The following GBF1 variants were observed in gnomAD, a reference collection of about 807,000 sequenced individuals.
The protein encoded by GBF1 is golgi brefeldin A resistant guanine nucleotide exchange factor 1, also known as Golgi-specific brefeldin A-resistance guanine nucleotide exchange factor 1.
GBF1 carries 114 observed loss-of-function variants against 210.5 expected under a neutral mutation model. That is an observed-to-expected ratio of 0.54 (90% CI 0.47 to 0.63). GBF1 has a LOEUF of 0.63. Among genes scored for constraint, GBF1 ranks in the 30% least tolerant of loss-of-function variants. GBF1 has a pLI of 0.00. For missense variants in GBF1, 1,851 were observed against 2,357.7 expected (o/e 0.79, Z 4.45); for synonymous variants, 850 against 889.2 (o/e 0.96, Z 0.78).
chr10:102,260,473 C>CTTTT (rs879575033), intron 3 of GBF1, among the ~76,000 whole-genome samples: 3,348 of 73,694 alleles, frequency 0.045, 501 homozygotes, highest in East Asian at 0.068. Context: ...ATTTTCCTTT[C>CTTTT]TTCTTTTTTT....
intron 3 of GBF1, among the ~76,000 whole-genome samples, chr10:102,328,811 G>A (rs937090504): frequency 6.6e-6 from 1 of 152,012 alleles, no homozygotes. Context: ...TCTTTTTCAG[G>A]GCTGGTAGAG....
chr10:102,245,424 CT>C (rs2070716303), upstream of GBF1: 2 of 152,242 alleles, frequency 1.3e-5, 1 homozygote, highest in South Asian at 4.1e-4. Context: ...AGCCAATTTC[CT>C]TTATTCGATT....
upstream of GBF1, among the ~76,000 whole-genome samples, chr10:102,240,685 G>C (rs1564994721): frequency 1.3e-5 from 2 of 152,206 alleles, no homozygotes; most frequent in African/African-American, 4.8e-5. Flanking sequence ...GTCCGATTCT[G>C]AGGCGGCCTC....
At chr10:102,288,473 A>G (rs2076142935) in intron 3 of GBF1, among the ~76,000 whole-genome samples, 1 of 152,160 alleles carries the variant, frequency 6.6e-6, no homozygotes, top group Non-Finnish European at 1.5e-5. Flanking sequence ...GCACTTTGGG[A>G]GGCCGAGGCG....
chr10:102,363,857 G>A lies in GBF1; in HGVS notation c.2106+59G>A, dbSNP rs967621176. 20 of 1,007,590 alleles carry A rather than the reference G, an allele frequency of 2.0e-5. No homozygotes were observed. The highest frequency in any genetic ancestry group is 3.0e-5 in the Non-Finnish European group (19 of 637,480). 62.4% of individuals were successfully genotyped at this position (1,007,590 alleles called of 1,614,324 possible). ...TCTGTCTGGGTGTCCAGTGTTGTAGGGTTTCCATCTCAGAAGATGAAGGAG... is the reference window on the plus strand; with the variant it reads ...TCTGTCTGGGTGTCCAGTGTTGTAGAGTTTCCATCTCAGAAGATGAAGGAG... On this transcript the variant is annotated intron_variant, in intron 17 of 39. Transcript: ENST00000369983. This position sits in a 1 kb window ranked among gnomAD's most constrained non-coding sequence, Gnocchi z 4.2.
intron 3 of GBF1, among the ~76,000 whole-genome samples, chr10:102,299,712 G>A (rs2077184526): frequency 1.3e-5 from 2 of 152,144 alleles, no homozygotes; most frequent in Non-Finnish European, 1.5e-5. Flanking sequence ...AACCCGGGAG[G>A]TGGAGGGGTT....
intron 3 of GBF1, among the ~76,000 whole-genome samples, chr10:102,274,855 G>C (rs1204352905): frequency 6.6e-6 from 1 of 151,346 alleles, no homozygotes. Flanking sequence ...AGGATTACAG[G>C]CACCCACCAC....
At chr10:102,322,966 G>C (rs1229173658) in intron 3 of GBF1, among the ~76,000 whole-genome samples, 1 of 151,952 alleles carries the variant, frequency 6.6e-6, no homozygotes, top group African/African-American at 2.4e-5. Flanking sequence ...CCATTTCAAT[G>C]ATCTATTACT....
Position 102,363,808 on chromosome 10 carries a change from T to G in GBF1, c.2106+10T>G. 1 of 1,490,710 alleles carries G rather than the reference T, an allele frequency of 6.7e-7. No individual in the cohort carries two copies. Among genetic ancestry groups the G allele is most frequent in the Non-Finnish European group, 9.4e-7 (1 of 1,068,094 alleles). 92.3% of individuals were successfully genotyped at this position (1,490,710 alleles called of 1,614,324 possible). A position where few individuals can be genotyped will look rare whatever the true frequency, so the allele number is the denominator to read the frequency against. ...TAAAAACAAAAAGAAGGTACATACA[T>G]GTATTCCCCAGCCTCTGTCCACCTC... is the stretch of plus-strand genomic sequence containing the variant. On this transcript the variant is annotated intron_variant, in intron 17 of 39. Transcript: ENST00000369983. The surrounding 1 kb of genome is among the most constrained non-coding windows in gnomAD (Gnocchi z 4.2).
At chr10:102,319,348 G>A (rs905362542) in intron 3 of GBF1, among the ~76,000 whole-genome samples, 2 of 151,552 alleles carry the variant, frequency 1.3e-5, no homozygotes, top group African/African-American at 4.9e-5. Flanking sequence ...AGGCTAGCCT[G>A]GGTAACATAG....
At chr10:102,233,373 G>A in the GBF1 span, among the ~76,000 whole-genome samples, 1 of 136,008 alleles carries the variant, frequency 7.4e-6, no homozygotes, top group Non-Finnish European at 1.5e-5. Flanking sequence ...GTATGATCTC[G>A]GCTCACTGCA....
At chr10:102,346,465 T>C (rs188361862) in intron 4 of GBF1, among the ~76,000 whole-genome samples, 1 of 152,368 alleles carries the variant, frequency 6.6e-6, no homozygotes, top group African/African-American at 2.4e-5. Context: ...CAGCACTGAA[T>C]ATTATCAGTT....
chr10:102,311,447 T>G (rs2078424040), intron 3 of GBF1, among the ~76,000 whole-genome samples: 1 of 152,182 alleles, frequency 6.6e-6, no homozygotes, highest in Admixed American at 6.5e-5. Context: ...AAGAGAGAAT[T>G]GAGCCATTTG....
intron 1 of GBF1, among the ~76,000 whole-genome samples, chr10:102,248,766 C>T (rs913085400): frequency 6.6e-6 from 1 of 152,090 alleles, no homozygotes; most frequent in Non-Finnish European, 1.5e-5. Flanking sequence ...TCCCAAGTAG[C>T]GGGGAACACA....
rs779235147 is a variant in GBF1 at position 102,376,758 on chromosome 10, G to A, written c.4246G>A (p.Val1416Ile). The A allele has an allele frequency of 1.4e-5, 22 of 1,609,796 alleles. No homozygotes were observed. In the Admixed American group the frequency reaches 2.3e-4, roughly 17 times the overall value. The stretch of plus-strand genomic sequence containing the variant: ...CACACCTGACAACTTTGAGCTCTGC[G>A]TCAAGACTCTCCGGATCTTTGTGGA... ...HITPDNFELCVKTLRIFVEAS... is the reference protein window; with the variant it reads ...HITPDNFELCIKTLRIFVEAS... The change falls in exon 32 of 40, where the codon GTC (valine) becomes ATC (isoleucine). Residue 1416 changes from valine to isoleucine, a missense_variant. By Grantham distance (29) the Val-to-Ile change is conservative. This residue lies in a region of GBF1 where 967 missense variants were observed against 1,247.7 expected (regional missense o/e 0.78). Coordinates refer to ENST00000369983, the MANE Select transcript of GBF1 (RefSeq NM_001377137.1).
At chr10:102,361,294 TA>T in intron 13 of GBF1, 174 bp downstream of exon 13, 1 of 587,416 alleles carries the variant, frequency 1.7e-6, no homozygotes, top group Non-Finnish European at 3.0e-6. Context: ...GTGGAAAAGT[TA>T]AAAGGAGACC....
chr10:102,364,936 C>T (rs752056121), intron 17 of GBF1, among the ~76,000 whole-genome samples: 3 of 152,146 alleles, frequency 2.0e-5, no homozygotes, highest in Non-Finnish European at 2.9e-5. Flanking sequence ...AGTACCTGGC[C>T]GTGACTGGAC....
At chr10:102,369,616 G>C (rs1395822058) in intron 24 of GBF1, 95 bp from the exon 25 acceptor site, 3 of 1,165,148 alleles carry the variant, frequency 2.6e-6, no homozygotes, top group Non-Finnish European at 3.8e-6. Flanking sequence ...AGGGGCAGAA[G>C]ACTAGAGGAG....
intron 3 of GBF1, among the ~76,000 whole-genome samples, chr10:102,329,696 C>G (rs971719545): frequency 7.2e-5 from 11 of 152,302 alleles, no homozygotes; most frequent in African/African-American, 2.6e-4. Context: ...ATCTCCTGAT[C>G]TCATGATCCA....
Sources: allele counts gnomAD v4.1 joint callset (sites outside exome capture counted in the v4.1 genomes callset), GRCh38; gene constraint gnomAD v4.1.1; regional missense constraint gnomAD v4.1.1; non-coding constraint Gnocchi (gnomAD v3.1); transcripts MANE v1.5; gene names NCBI Gene and HGNC (gene_info 2026-07-23, HGNC 2026-07-21).